GNG4: variants seen among roughly 807,000 people sequenced by gnomAD.
The protein encoded by GNG4 is G protein subunit gamma 4.
GNG4 carries 4 observed loss-of-function variants against 5.8 expected under a neutral mutation model. The ratio of observed to expected loss-of-function variants is 0.69; its 90% CI spans 0.34 to 1.57. The LOEUF (loss-of-function observed/expected upper bound fraction) is 1.57, where lower values mean the gene tolerates loss of function less well. Among genes scored for constraint, GNG4 ranks in the 40% most tolerant of loss-of-function variants. The pLI, the probability that GNG4 is intolerant of heterozygous loss-of-function variation, is 0.06. For missense variants in GNG4, 96 were observed against 95.1 expected (o/e 1.01, Z -0.04); for synonymous variants, 29 against 32.9 (o/e 0.88, Z 0.41).
chr1:235,581,674 A>G (rs1237077998), intron 3 of GNG4, among the ~76,000 whole-genome samples: 3 of 152,036 alleles, frequency 2.0e-5, no homozygotes, highest in Admixed American at 6.6e-5. Context: ...TACAGGCATC[A>G]TGCTTGCTGG....
At position 235,548,143 on chromosome 1, in the gene GNG4, G is replaced by A. The variant is rs1686629663; in HGVS notation, c.*3966C>T. 6.6e-6 allele frequency: 1 copy of A among 152,194 alleles called. No individual in the cohort carries two copies. Among genetic ancestry groups the A allele is most frequent in the Non-Finnish European group, 1.5e-5 (1 of 68,068 alleles). 9.4% of individuals were successfully genotyped at this position (152,194 alleles called of 1,614,324 possible). Reference sequence around the variant, plus strand: ...GAGAGTGTTTTTGTGAAGATTTAGAGCATGTCTCTGGATGAACACATGTAC... The same window carrying A: ...GAGAGTGTTTTTGTGAAGATTTAGAACATGTCTCTGGATGAACACATGTAC... On this transcript the variant is annotated 3_prime_UTR_variant, in exon 4 of 4. Transcript: ENST00000391854.
At chr1:235,593,744 C>A (rs998240135) in intron 2 of GNG4, among the ~76,000 whole-genome samples, 2 of 151,780 alleles carry the variant, frequency 1.3e-5, no homozygotes, top group East Asian at 3.9e-4. Flanking sequence ...GCTCTTAAGG[C>A]GGCGCGTCTG....
rs1686764667 is a variant in GNG4 at position 235,552,086 on chromosome 1, AG to A, written c.*22del. The A allele has an allele frequency of 1.2e-6, 2 of 1,612,052 alleles. No individual in the cohort carries two copies. The highest frequency in any genetic ancestry group is 1.7e-6 in the Non-Finnish European group (2 of 1,178,448). On this transcript the variant is annotated 3_prime_UTR_variant, in exon 4 of 4. Coordinates refer to ENST00000391854, the MANE Select transcript of GNG4 (RefSeq NM_001098722.2). ...AGGGGACTTTGAAGGTCAGAAAAGG[AG>A]GCGTTTTCATCACACACGGAGTTAG...
intron 3 of GNG4, among the ~76,000 whole-genome samples, chr1:235,572,496 TTTTTTTTTTTTC>T (rs1406582474): frequency 1.1e-5 from 1 of 92,878 alleles, no homozygotes; most frequent in Non-Finnish European, 1.9e-5. Flanking sequence ...CACCGTGCTC[TTTTTTTTTTTTC>T]TTTTTTTTTT....
At chr1:235,591,470 A>G (rs1020673840) in intron 2 of GNG4, among the ~76,000 whole-genome samples, 6 of 152,162 alleles carry the variant, frequency 3.9e-5, no homozygotes, top group Non-Finnish European at 7.4e-5. Flanking sequence ...GCCCTATAAG[A>G]AGGTTTCGGA....
intron 3 of GNG4, among the ~76,000 whole-genome samples, chr1:235,560,699 A>G (rs1687037390): frequency 6.6e-6 from 1 of 152,236 alleles, no homozygotes; most frequent in Non-Finnish European, 1.5e-5. Context: ...TGACCAGATC[A>G]TCCCCATGAA....
intron 1 of GNG4, among the ~76,000 whole-genome samples, chr1:235,613,527 C>A (rs527507243): frequency 2.0e-5 from 3 of 151,848 alleles, no homozygotes; most frequent in African/African-American, 7.3e-5. Context: ...GCAGGAGAGT[C>A]GGTGTCAGTC....
At chr1:235,603,360 A>G (rs1050624480) in intron 1 of GNG4, among the ~76,000 whole-genome samples, 2 of 152,078 alleles carry the variant, frequency 1.3e-5, no homozygotes, top group Non-Finnish European at 2.9e-5. Context: ...CAGCCTTTCT[A>G]TCTGTACACG....
chr1:235,628,671 G>A (rs1039218316), intron 1 of GNG4, among the ~76,000 whole-genome samples: 3 of 152,184 alleles, frequency 2.0e-5, no homozygotes, highest in East Asian at 3.8e-4. Flanking sequence ...TGCATGCTTC[G>A]ATTTGCGTTT....
chr1:235,634,222 C>T (rs80135590), intron 1 of GNG4, among the ~76,000 whole-genome samples: 5,493 of 152,270 alleles, frequency 0.036, 142 homozygotes, highest in Non-Finnish European at 0.054. Flanking sequence ...CTGTCTGGGG[C>T]CAGTGGCACG....
rs1360112400 is a variant in GNG4 at position 235,618,328 on chromosome 1, A to G, written c.-122-22817T>C. Among the ~76,000 whole-genome samples, 7 of 152,180 alleles carry G rather than the reference A, an allele frequency of 4.6e-5. No individual in the cohort carries two copies. The South Asian group carries it at 6.2e-4, about 14-fold the overall frequency. On this transcript the variant is annotated intron_variant, in intron 1 of 3. Transcript: ENST00000391854. ...AAAGTGGAATCCTTCGTTGAACTGA[A>G]TATGAATATGAATTGCTCTGATTCT...
intron 1 of GNG4, among the ~76,000 whole-genome samples, chr1:235,632,462 T>A (rs1229863287): frequency 2.0e-5 from 3 of 152,202 alleles, no homozygotes; most frequent in African/African-American, 7.2e-5. Flanking sequence ...ATTAGAAAAT[T>A]CTGCCTTACA....
At chr1:235,589,904 A>G (rs930295182) in intron 2 of GNG4, among the ~76,000 whole-genome samples, 14 of 152,102 alleles carry the variant, frequency 9.2e-5, no homozygotes, top group African/African-American at 3.4e-4. Flanking sequence ...GGTTCAGGCC[A>G]TATTTGTTGG....
At chr1:235,616,051 C>T (rs1038166689) in intron 1 of GNG4, 7 of 359,576 alleles carry the variant, frequency 1.9e-5, no homozygotes, top group African/African-American at 8.7e-5. Context: ...ACCTGGTGGC[C>T]GTCTTCCATG....
chr1:235,622,657 G>C (rs373609517), intron 1 of GNG4, among the ~76,000 whole-genome samples: 1 of 152,088 alleles, frequency 6.6e-6, no homozygotes, highest in South Asian at 2.1e-4. Context: ...TCAGCAGTTC[G>C]ATCACCTGAG....
At chr1:235,601,970 T>A (rs763764631) in intron 1 of GNG4, among the ~76,000 whole-genome samples, 38 of 152,176 alleles carry the variant, frequency 2.5e-4, no homozygotes, top group Non-Finnish European at 4.9e-4. Context: ...CACTCAGACC[T>A]ACCAAAATAG....
At chr1:235,607,615 G>A (rs76211860) in intron 1 of GNG4, among the ~76,000 whole-genome samples, 4,255 of 152,320 alleles carry the variant, frequency 0.028, 98 homozygotes, top group Middle Eastern at 0.051. Flanking sequence ...TGGGTCACGC[G>A]CTTTGATCAG....
At chr1:235,580,219 C>G (rs1687594744) in intron 3 of GNG4, among the ~76,000 whole-genome samples, 1 of 152,144 alleles carries the variant, frequency 6.6e-6, no homozygotes, top group African/African-American at 2.4e-5. Context: ...TAGTCAGATT[C>G]ACAGAGGAAA....
At chr1:235,579,527 CT>C (rs1485570292) in intron 3 of GNG4, among the ~76,000 whole-genome samples, 3 of 151,958 alleles carry the variant, frequency 2.0e-5, no homozygotes, top group Non-Finnish European at 2.9e-5. Flanking sequence ...GATGAAGCCC[CT>C]GTGTAAGCAG....
Sources: allele counts gnomAD v4.1 joint callset (sites outside exome capture counted in the v4.1 genomes callset), GRCh38; gene constraint gnomAD v4.1.1; transcripts MANE v1.5; gene names NCBI Gene and HGNC (gene_info 2026-07-23, HGNC 2026-07-21).